ANK3: variants seen among roughly 807,000 people sequenced by gnomAD.
ANK3 encodes the protein ankyrin 3.
Under a neutral mutation model 370.9 loss-of-function variants are expected in ANK3, and 57 were observed. The observed-to-expected ratio is 0.15, with a 90% CI of 0.12 to 0.19. ANK3 has a LOEUF of 0.19. Among genes scored for constraint, ANK3 ranks in the 10% least tolerant of loss-of-function variants. The pLI is 1.00. For missense variants in ANK3, 4,439 were observed against 5,302.1 expected, an observed-to-expected ratio of 0.84 and a Z score of 5.06; for synonymous variants, 1,929 against 1,946.3, an observed-to-expected ratio of 0.99 and a Z score of 0.23.
chr10:60,085,610 CTTTTTTTT>C (rs10601268), intron 30 of ANK3, among the ~76,000 whole-genome samples: 1 of 109,922 alleles, frequency 9.1e-6, no homozygotes, highest in Admixed American at 1.0e-4. Context: ...GTCTCTTACT[CTTTTTTTT>C]TTTTTTTTTT....
intron 23 of ANK3, among the ~76,000 whole-genome samples, chr10:60,142,459 A>C (rs1022097248): frequency 6.6e-6 from 1 of 152,098 alleles, no homozygotes; most frequent in Non-Finnish European, 1.5e-5. Context: ...GGCCAGGTAT[A>C]TTGGAAGTTC....
intron 1 of ANK3, among the ~76,000 whole-genome samples, chr10:60,370,660 C>T (rs1357756867): frequency 6.6e-6 from 1 of 152,156 alleles, no homozygotes; most frequent in African/African-American, 2.4e-5. Flanking sequence ...GTATTTCTAA[C>T]ATTTATCATG....
chr10:60,070,465 C>A lies in ANK3; in HGVS notation c.10416G>T (p.Lys3472Asn). 1.2e-6 allele frequency: 2 copies of A among 1,614,128 alleles called. No homozygotes were observed. The highest frequency in any genetic ancestry group is 1.7e-6 in the Non-Finnish European group (2 of 1,180,012). Residue 3472 changes from lysine (K) to asparagine (N), a missense_variant, in exon 37 of 44, where the codon AAG (lysine) becomes AAT (asparagine). This residue lies in a region of ANK3 where 1,601 missense variants were observed against 1,731.7 expected (regional missense o/e 0.92). Transcript: ENST00000280772. The surrounding 1 kb of genome is among the most constrained non-coding windows in gnomAD (Gnocchi z 5.7). ...GTGGCTTGTCCTCATCTGGTCCCAC[C>A]TTTCCCTCCTCCTCGATAACTTCAA... Reference protein sequence around the residue: ...SKLEVIEEEGKVGPDEDKPPS... With the variant: ...SKLEVIEEEGNVGPDEDKPPS...
At position 60,199,626 on chromosome 10, in the gene ANK3, A is replaced by G. The variant is rs547006141; in HGVS notation, c.1491+503T>C. Among the ~76,000 whole-genome samples the G allele has an allele frequency of 3.3e-5, 5 of 152,220 alleles. No homozygotes were observed. The South Asian group carries it at 6.2e-4, about 19-fold the overall frequency. ...TGACCGAACTATCTATCCCAATAGC[A>G]GCAGATAAGTGGGTTTCTCCTGCAG... On this transcript the variant is annotated intron_variant, in intron 13 of 43. Transcript: ENST00000280772.
chr10:60,197,505 A>G (rs2132406628), intron 14 of ANK3, among the ~76,000 whole-genome samples: 1 of 152,280 alleles, frequency 6.6e-6, no homozygotes, highest in South Asian at 2.1e-4. Flanking sequence ...AGACCCTATC[A>G]CCCATTATTC....
At chr10:60,484,866 A>T (rs1254441122) in intron 2 of ANK3, among the ~76,000 whole-genome samples, 1 of 152,170 alleles carries the variant, frequency 6.6e-6, no homozygotes, top group African/African-American at 2.4e-5. Flanking sequence ...CTTTCCTTTT[A>T]TATCAAGTAA....
chr10:60,547,339 C>A (rs1225229397), intron 2 of ANK3, among the ~76,000 whole-genome samples: 1 of 152,266 alleles, frequency 6.6e-6, no homozygotes, highest in South Asian at 2.1e-4. Context: ...GATCCACTCG[C>A]TTCGGCCTCC....
intron 2 of ANK3, among the ~76,000 whole-genome samples, chr10:60,515,503 G>A (rs2076195885): frequency 6.6e-6 from 1 of 152,168 alleles, no homozygotes; most frequent in African/African-American, 2.4e-5. Flanking sequence ...GATAGACAAG[G>A]CCTAGAATAA....
intron 1 of ANK3, among the ~76,000 whole-genome samples, chr10:60,718,449 A>G (rs1330718286): frequency 3.9e-5 from 6 of 152,178 alleles, no homozygotes; most frequent in Non-Finnish European, 4.4e-5. Flanking sequence ...GGAGGAGTCA[A>G]TGATACAGAG....
intron 2 of ANK3, among the ~76,000 whole-genome samples, chr10:60,492,799 G>A (rs546368845): frequency 6.6e-5 from 10 of 151,188 alleles, no homozygotes; most frequent in East Asian, 1.9e-4. Flanking sequence ...TAACTGAGCC[G>A]GGCGTGGTGG....
At chr10:60,466,361 T>C (rs973614017) in intron 2 of ANK3, among the ~76,000 whole-genome samples, 11 of 152,182 alleles carry the variant, frequency 7.2e-5, no homozygotes, top group African/African-American at 2.7e-4. Flanking sequence ...ACCCTCACGA[T>C]GCCAATAACG....
intron 1 of ANK3, among the ~76,000 whole-genome samples, chr10:60,694,988 G>C (rs1394507811): frequency 3.4e-5 from 5 of 147,922 alleles, no homozygotes; most frequent in Non-Finnish European, 6.0e-5. Flanking sequence ...TCAGTGTGCT[G>C]TATTCAGGAA....
Position 60,055,835 on chromosome 10 carries a change from T to A in ANK3, c.12888A>T (p.Pro4296=). The change falls in exon 42 of 44, where the codon CCA becomes CCT. Residue 4296 remains proline (P), a synonymous_variant. Transcript: ENST00000280772. The stretch of plus-strand genomic sequence containing the variant: ...TCTGATATGCTGCTAGTGGTGATGC[T>A]GGTTCTTCAACATGACCAGATCCAT... The part of the protein sequence containing the change: ...KIHGSGHVEE[P]ASPLAAYQKS... 1.4e-5 allele frequency: 22 copies of A among 1,614,234 alleles called. No homozygotes were observed. Among genetic ancestry groups the A allele is most frequent in the Non-Finnish European group, 1.9e-5 (22 of 1,180,034 alleles).
intron 2 of ANK3, among the ~76,000 whole-genome samples, chr10:60,539,700 A>G (rs1247780617): frequency 6.6e-6 from 1 of 151,926 alleles, no homozygotes; most frequent in Non-Finnish European, 1.5e-5. Context: ...AGAAGCTGAA[A>G]TGTACAATTT....
At chr10:60,639,662 A>G (rs2078603054) in intron 1 of ANK3, among the ~76,000 whole-genome samples, 1 of 151,962 alleles carries the variant, frequency 6.6e-6, no homozygotes, top group Non-Finnish European at 1.5e-5. Flanking sequence ...TTAAATATAC[A>G]TAGAGCAATC....
At chr10:60,168,623 G>A (rs1046933765) in intron 21 of ANK3, among the ~76,000 whole-genome samples, 2 of 152,102 alleles carry the variant, frequency 1.3e-5, no homozygotes, top group African/African-American at 2.4e-5. Flanking sequence ...GTGTGCCATG[G>A]TGGTTTACTG....
At chr10:60,187,953 A>C (rs1398029436) in intron 16 of ANK3, among the ~76,000 whole-genome samples, 1 of 152,042 alleles carries the variant, frequency 6.6e-6, no homozygotes, top group East Asian at 1.9e-4. Context: ...CCCATCCCTC[A>C]AGCCTCAACC....
chr10:60,079,486 T>C (rs1157236822), intron 36 of ANK3, among the ~76,000 whole-genome samples: 1 of 152,160 alleles, frequency 6.6e-6, no homozygotes, highest in Non-Finnish European at 1.5e-5. Flanking sequence ...AGATCTTATA[T>C]GCTATGCTGT....
intron 1 of ANK3, among the ~76,000 whole-genome samples, chr10:60,324,855 G>A (rs2049457078): frequency 6.6e-6 from 1 of 152,154 alleles, no homozygotes; most frequent in Non-Finnish European, 1.5e-5. Context: ...GCCTAGAATA[G>A]CATATAGTAG....
Sources: allele counts gnomAD v4.1 joint callset (sites outside exome capture counted in the v4.1 genomes callset), GRCh38; gene constraint gnomAD v4.1.1; regional missense constraint gnomAD v4.1.1; non-coding constraint Gnocchi (gnomAD v3.1); transcripts MANE v1.5; gene names NCBI Gene and HGNC (gene_info 2026-07-23, HGNC 2026-07-21).